The following CMTR1 variants were observed in gnomAD, a reference collection of about 807,000 sequenced individuals.
CMTR1 encodes the protein cap methyltransferase 1.
Under a neutral mutation model 107.0 loss-of-function variants are expected in CMTR1, and 39 were observed. That is an observed-to-expected ratio of 0.36 (90% CI 0.28 to 0.48). CMTR1 has a LOEUF of 0.48. Ranked by LOEUF, CMTR1 falls within the 20% of genes least tolerant of loss-of-function variation. The pLI is 0.99. For missense variants in CMTR1, 672 were observed against 1,064.9 expected, an observed-to-expected ratio of 0.63 and a Z score of 5.14; for synonymous variants, 366 against 379.5, an observed-to-expected ratio of 0.96 and a Z score of 0.41.
At chr6:37,465,938 T>C (rs77880395) in intron 13 of CMTR1, among the ~76,000 whole-genome samples, 103 of 140,268 alleles carry the variant, frequency 7.3e-4, no homozygotes, top group African/African-American at 2.3e-3. Flanking sequence ...GTTTTTTTTT[T>C]CCCCACTGCA....
chr6:37,450,823 G>T (rs1224113751), intron 5 of CMTR1, among the ~76,000 whole-genome samples: 1 of 152,174 alleles, frequency 6.6e-6, no homozygotes, highest in African/African-American at 2.4e-5. Flanking sequence ...GGATCTCTAA[G>T]ACCCCTTCAG....
chr6:37,444,205 G>T (rs1771735217), intron 3 of CMTR1, 55 bp downstream of exon 3: 1 of 1,575,090 alleles, frequency 6.3e-7, no homozygotes. Context: ...GTGAAAGAAG[G>T]GCAATTTGTA....
Position 37,462,822 on chromosome 6 carries a change from C to T in CMTR1, c.1326-7C>T, listed in dbSNP as rs768149573. 6 of 1,611,618 alleles carry T rather than the reference C, an allele frequency of 3.7e-6. No homozygotes were observed. Among genetic ancestry groups the T allele is most frequent in the Non-Finnish European group, 2.5e-6 (3 of 1,179,348 alleles). On this transcript the variant is annotated splice_region_variant and splice_polypyrimidine_tract_variant and intron_variant, in intron 12 of 23. Coordinates refer to ENST00000373451, the MANE Select transcript of CMTR1 (RefSeq NM_015050.3). ...GCTCGGTGGAGTGACAGAGTATCTT[C>T]TGCCAGGTATGTGGTGTGCAAGGGC...
the CMTR1 span, among the ~76,000 whole-genome samples, chr6:37,424,543 G>A: frequency 0.08 from 12,225 of 151,894 alleles, 523 homozygotes; most frequent in Non-Finnish European, 0.093. Flanking sequence ...CACCGCGCCC[G>A]GCCTAGTACC....
chr6:37,464,812 G>C (rs1015900261), intron 13 of CMTR1, among the ~76,000 whole-genome samples: 1 of 151,344 alleles, frequency 6.6e-6, no homozygotes, highest in Admixed American at 6.6e-5. Flanking sequence ...ATTTCCCTTG[G>C]GTAAATACCT....
intron 3 of CMTR1, among the ~76,000 whole-genome samples, chr6:37,445,325 G>A (rs1437692136): frequency 6.6e-6 from 1 of 151,940 alleles, no homozygotes; most frequent in East Asian, 1.9e-4. Flanking sequence ...AGTTTTTTTT[G>A]TATTAGGCAG....
At chr6:37,443,569 G>A (rs1447029735) in intron 2 of CMTR1, among the ~76,000 whole-genome samples, 2 of 152,260 alleles carry the variant, frequency 1.3e-5, no homozygotes, top group Non-Finnish European at 2.9e-5. Flanking sequence ...TGGCCAGGCT[G>A]ATCTTGAACT....
chr6:37,478,980 G>C (rs1016817650), intron 22 of CMTR1, among the ~76,000 whole-genome samples, 167 bp from the exon 23 acceptor site: 2 of 152,198 alleles, frequency 1.3e-5, no homozygotes, highest in African/African-American at 4.8e-5. Context: ...TCATTCTCCT[G>C]CAGCCCCTTT....
intron 18 of CMTR1, 42 bp from the exon 19 acceptor site, chr6:37,475,279 G>A (rs1448544885): frequency 1.3e-6 from 2 of 1,527,432 alleles, no homozygotes; most frequent in East Asian, 2.3e-5. Context: ...GCTGAAGGCT[G>A]ACACCTGGCA....
At chr6:37,437,390 G>C (rs1266691488) in intron 2 of CMTR1, among the ~76,000 whole-genome samples, 1 of 151,718 alleles carries the variant, frequency 6.6e-6, no homozygotes, top group Non-Finnish European at 1.5e-5. Context: ...AGCCGGGCGT[G>C]GTGGCAGGCG....
intron 4 of CMTR1, among the ~76,000 whole-genome samples, chr6:37,447,824 C>T (rs542625983): frequency 6.6e-6 from 1 of 151,524 alleles, no homozygotes; most frequent in African/African-American, 2.4e-5. Context: ...CGTGCCACTG[C>T]ACTCTAGCCT....
chr6:37,436,638 A>G (rs144497127), intron 2 of CMTR1, among the ~76,000 whole-genome samples: 3 of 151,864 alleles, frequency 2.0e-5, no homozygotes, highest in African/African-American at 4.8e-5. Context: ...CATAACTCCA[A>G]TCTCTGCCTC....
chr6:37,469,521 CTTTTTTTTTTTTT>C (rs763917812), intron 13 of CMTR1, among the ~76,000 whole-genome samples: 4 of 61,616 alleles, frequency 6.5e-5, no homozygotes, highest in African/African-American at 1.4e-4. Flanking sequence ...TTGTTTTATC[CTTTTTTTTTTTTT>C]TTTTTTTTTT....
chr6:37,425,954 C>T, the CMTR1 span, among the ~76,000 whole-genome samples: 1 of 152,152 alleles, frequency 6.6e-6, no homozygotes, highest in Non-Finnish European at 1.5e-5. Flanking sequence ...GCCCCTTAGA[C>T]TCTGTTTGTT....
intron 15 of CMTR1, 59 bp downstream of exon 15, chr6:37,471,963 G>T (rs1440224174): frequency 1.3e-6 from 2 of 1,511,428 alleles, no homozygotes; most frequent in South Asian, 2.3e-5. Flanking sequence ...AGAAGAATGG[G>T]GTTGACTCCC....
chr6:37,454,392 A>G (rs911693803), intron 8 of CMTR1, among the ~76,000 whole-genome samples: 11 of 152,218 alleles, frequency 7.2e-5, no homozygotes, highest in Admixed American at 7.2e-4. Context: ...CCCATTCTCC[A>G]GTACCAGCAG....
chr6:37,428,522 A>AG (rs1771324243), upstream of CMTR1, among the ~76,000 whole-genome samples: 5 of 151,930 alleles, frequency 3.3e-5, no homozygotes, highest in African/African-American at 1.2e-4. Flanking sequence ...CAGTGGTGTG[A>AG]TCTCTGCTTA....
chr6:37,475,912 T>C, intron 19 of CMTR1: 2 of 567,556 alleles, frequency 3.5e-6, no homozygotes, highest in Non-Finnish European at 6.3e-6. Flanking sequence ...ATAGTGAAAT[T>C]AGAGGTCAGA....
chr6:37,443,033 C>T (rs1319023966), intron 2 of CMTR1, among the ~76,000 whole-genome samples: 1 of 152,140 alleles, frequency 6.6e-6, no homozygotes, highest in Non-Finnish European at 1.5e-5. Flanking sequence ...AAAAAGATAG[C>T]CAGTGTAAAC....
Sources: allele counts gnomAD v4.1 joint callset (sites outside exome capture counted in the v4.1 genomes callset), GRCh38; gene constraint gnomAD v4.1.1; transcripts MANE v1.5; gene names NCBI Gene and HGNC (gene_info 2026-07-23, HGNC 2026-07-21).